The following THSD7A variants were observed in gnomAD, a reference collection of about 807,000 sequenced individuals.
The protein encoded by THSD7A is thrombospondin type-1 domain-containing protein 7A.
In THSD7A, 96 loss-of-function variants were observed where a neutral mutation model predicts 231.3. The observed-to-expected ratio is 0.41, with a 90% CI of 0.35 to 0.49. THSD7A has a LOEUF of 0.49. Among genes scored for constraint, THSD7A ranks in the 20% least tolerant of loss-of-function variants. THSD7A has a pLI of 0.05. For missense variants in THSD7A, 2,290 were observed against 2,070.2 expected (o/e 1.11, Z -2.06); for synonymous variants, 940 against 743.3 (o/e 1.26, Z -4.30).
intron 2 of THSD7A, among the ~76,000 whole-genome samples, chr7:11,622,500 A>T (rs1295545786): frequency 2.0e-5 from 3 of 152,134 alleles, no homozygotes; most frequent in Non-Finnish European, 4.4e-5. Flanking sequence ...AAATTAAGAA[A>T]TAAGTTGTAA....
At chr7:11,755,026 A>C (rs1388923601) in intron 1 of THSD7A, among the ~76,000 whole-genome samples, 1 of 152,080 alleles carries the variant, frequency 6.6e-6, no homozygotes, top group Non-Finnish European at 1.5e-5. Context: ...GACACTAACA[A>C]CACAAATTAT....
chr7:11,607,847 T>A (rs774056485), intron 2 of THSD7A, among the ~76,000 whole-genome samples: 2 of 152,098 alleles, frequency 1.3e-5, no homozygotes, highest in East Asian at 1.9e-4. Context: ...CTGGGGAACA[T>A]TGCCAAACGG....
At chr7:11,378,864 T>C in intron 26 of THSD7A, 1 of 562,860 alleles carries the variant, frequency 1.8e-6, no homozygotes, top group Non-Finnish European at 3.1e-6. Flanking sequence ...CAGAAGAATG[T>C]AATTTCATTT....
intron 6 of THSD7A, among the ~76,000 whole-genome samples, chr7:11,495,862 G>A (rs1229537537): frequency 6.6e-6 from 1 of 152,068 alleles, no homozygotes; most frequent in African/African-American, 2.4e-5. Flanking sequence ...AAATGGATGA[G>A]ATGAAATACA....
intron 6 of THSD7A, among the ~76,000 whole-genome samples, chr7:11,507,852 G>T (rs1462590207): frequency 6.6e-6 from 1 of 152,088 alleles, no homozygotes; most frequent in Non-Finnish European, 1.5e-5. Flanking sequence ...AAAATATAAG[G>T]AACTCTTATG....
intron 11 of THSD7A, among the ~76,000 whole-genome samples, chr7:11,455,479 G>A (rs1785278463): frequency 6.6e-6 from 1 of 151,924 alleles, no homozygotes; most frequent in African/African-American, 2.4e-5. Context: ...TGGTGATTCT[G>A]GGGATAATTG....
chr7:11,746,745 G>C (rs1782320033), intron 1 of THSD7A, among the ~76,000 whole-genome samples: 1 of 151,718 alleles, frequency 6.6e-6, no homozygotes, highest in Non-Finnish European at 1.5e-5. Flanking sequence ...CCACTATAAA[G>C]TTATTATTTC....
chr7:11,782,769 G>C (rs1783673402), intron 1 of THSD7A, among the ~76,000 whole-genome samples: 1 of 152,082 alleles, frequency 6.6e-6, no homozygotes, highest in African/African-American at 2.4e-5. Flanking sequence ...GTTGGCTATA[G>C]AAAGTTAAAT....
chr7:11,393,498 G>A lies in THSD7A; in HGVS notation c.4411+8297C>T, dbSNP rs151112940. Among the ~76,000 whole-genome samples the A allele has an allele frequency of 5.8e-4, 88 of 152,262 alleles. 1 individual carries two copies. Among genetic ancestry groups the A allele is most frequent in the African/African-American group, 1.3e-3 (54 of 41,566 alleles). On this transcript the variant is annotated intron_variant, in intron 23 of 27. Coordinates refer to ENST00000423059, the MANE Select transcript of THSD7A (RefSeq NM_015204.3). ...CTTCGCCAGCAGGGGAACAAAACTG[G>A]ATGAAGAATCATTTTGACAAATGGA... is the stretch of plus-strand genomic sequence containing the variant.
chr7:11,793,346 A>G (rs569974675), intron 1 of THSD7A, among the ~76,000 whole-genome samples: 1 of 152,082 alleles, frequency 6.6e-6, no homozygotes, highest in Non-Finnish European at 1.5e-5. Context: ...AATATAAAGG[A>G]AAGCTACAAC....
At chr7:11,616,898 T>C (rs757593640) in intron 2 of THSD7A, among the ~76,000 whole-genome samples, 1 of 152,214 alleles carries the variant, frequency 6.6e-6, no homozygotes, top group Non-Finnish European at 1.5e-5. Context: ...TTTGATTTTA[T>C]TGTGTACAGA....
chr7:11,682,690 A>G (rs571421376), intron 1 of THSD7A, among the ~76,000 whole-genome samples: 105 of 152,240 alleles, frequency 6.9e-4, no homozygotes, highest in Middle Eastern at 3.4e-3. Context: ...ACAGCATTAG[A>G]CATATCATCA....
chr7:11,614,954 T>A (rs1390991819), intron 2 of THSD7A, among the ~76,000 whole-genome samples: 1 of 152,206 alleles, frequency 6.6e-6, no homozygotes, highest in Non-Finnish European at 1.5e-5. Context: ...ATGTTATTGA[T>A]ATTTGAAATA....
At chr7:11,798,721 A>C (rs1326444147) in intron 1 of THSD7A, among the ~76,000 whole-genome samples, 1 of 152,166 alleles carries the variant, frequency 6.6e-6, no homozygotes, top group Non-Finnish European at 1.5e-5. Flanking sequence ...CTGATGATTC[A>C]GATGATCTTT....
intron 4 of THSD7A, among the ~76,000 whole-genome samples, chr7:11,557,437 T>C (rs1325393021): frequency 6.6e-6 from 1 of 152,126 alleles, no homozygotes; most frequent in Non-Finnish European, 1.5e-5. Context: ...TTCTAACATC[T>C]TCATCATCTC....
chr7:11,669,448 G>C (rs991895439), intron 1 of THSD7A, among the ~76,000 whole-genome samples: 2 of 151,900 alleles, frequency 1.3e-5, no homozygotes, highest in African/African-American at 4.8e-5. Context: ...ATGGGTGTAA[G>C]AGCTGTTCCA....
At chr7:11,823,404 T>A (rs1313918685) in intron 1 of THSD7A, among the ~76,000 whole-genome samples, 1 of 152,150 alleles carries the variant, frequency 6.6e-6, no homozygotes, top group South Asian at 2.1e-4. Flanking sequence ...CCAGGTTTGT[T>A]CTTTTTGCTT....
At chr7:11,502,526 GA>G (rs1406592528) in intron 6 of THSD7A, among the ~76,000 whole-genome samples, 1 of 152,020 alleles carries the variant, frequency 6.6e-6, no homozygotes. Flanking sequence ...CAGAACTAAA[GA>G]AAAAAACCCA....
intron 1 of THSD7A, among the ~76,000 whole-genome samples, chr7:11,658,507 G>C (rs1782792927): frequency 6.6e-6 from 1 of 151,448 alleles, no homozygotes; most frequent in Non-Finnish European, 1.5e-5. Context: ...GTGTCACAAT[G>C]TCTCTCTGAG....
Sources: allele counts gnomAD v4.1 joint callset (sites outside exome capture counted in the v4.1 genomes callset), GRCh38; gene constraint gnomAD v4.1.1; transcripts MANE v1.5; gene names NCBI Gene and HGNC (gene_info 2026-07-23, HGNC 2026-07-21).